STAT4: variants seen among roughly 807,000 people sequenced by gnomAD.
The protein encoded by STAT4 is signal transducer and activator of transcription 4.
STAT4 carries 42 observed loss-of-function variants against 110.5 expected under a neutral mutation model. The observed-to-expected ratio is 0.38, with a 90% confidence interval of 0.30 to 0.49. The LOEUF is 0.49. Among genes scored for constraint, STAT4 ranks in the 20% least tolerant of loss-of-function variants. The probability of loss-of-function intolerance (pLI) is 0.95; values close to 1 mark genes in which losing one functional copy is unlikely to be tolerated. For synonymous variants in STAT4, 284 were observed against 302.2 expected (o/e 0.94, Z 0.63); for missense variants, 632 against 887.9 (o/e 0.71, Z 3.66).
rs371229965 is a variant in STAT4 at position 191,061,702 on chromosome 2, G to C, written c.1034+27C>G. On this transcript the variant is annotated intron_variant, in intron 10 of 23. Transcript: ENST00000392320. This position sits in a 1 kb window ranked among gnomAD's most constrained non-coding sequence, Gnocchi z 6.2. ...AGAGACTATAGCTCCACAAACACAC[G>C]AAATAGTAGAAAATGTTTTTGCCTA... 7.5e-6 allele frequency: 12 copies of C among 1,598,498 alleles called. No homozygotes were observed. The East Asian group carries it at 2.7e-4, about 36-fold the overall frequency.
In STAT4 at chr2:191,132,586, A is replaced by G. The variant is rs376624042; in HGVS notation, c.273+14027T>C. 4.0e-5 allele frequency among the ~76,000 whole-genome samples: 6 copies of G among 151,692 alleles called. 1 individual carries two copies. The highest frequency in any genetic ancestry group is 1.5e-4 in the African/African-American group (6 of 40,984). On this transcript the variant is annotated intron_variant, in intron 3 of 23. Coordinates refer to ENST00000392320, the MANE Select transcript of STAT4 (RefSeq NM_003151.4). ...TGCCATGATACAACAAGGATAATGT[A>G]ACTAACAAAATATAAATGATGAAAA... is the stretch of plus-strand genomic sequence containing the variant.
At chr2:191,131,376 C>T (rs1290494254) in intron 3 of STAT4, 1 of 152,400 alleles carries the variant, frequency 6.6e-6, no homozygotes, top group Non-Finnish European at 1.5e-5. Flanking sequence ...GTATACTATG[C>T]AGCAATGAAA....
intron 1 of STAT4, among the ~76,000 whole-genome samples, chr2:191,149,683 C>T (rs559284463): frequency 1.3e-5 from 2 of 152,280 alleles, no homozygotes; most frequent in East Asian, 1.9e-4. Flanking sequence ...TTCCAGATAT[C>T]GGATGTATAT....
intron 4 of STAT4, 114 bp from the exon 5 acceptor site, chr2:191,073,304 A>G (rs928769980): frequency 1.5e-5 from 11 of 748,170 alleles, no homozygotes; most frequent in Middle Eastern, 2.5e-4. Flanking sequence ...TGGATACTCT[A>G]TAGTCATTAA....
intron 5 of STAT4, among the ~76,000 whole-genome samples, chr2:191,070,536 CA>C (rs1386938893): frequency 6.6e-6 from 1 of 152,136 alleles, no homozygotes; most frequent in East Asian, 1.9e-4. Flanking sequence ...CACCCTTAAC[CA>C]AAGATAGACC....
chr2:191,139,522 A>C (rs1000793472), intron 3 of STAT4, among the ~76,000 whole-genome samples: 1 of 152,200 alleles, frequency 6.6e-6, no homozygotes, highest in African/African-American at 2.4e-5. Flanking sequence ...GAAAGAAAGA[A>C]ATACTTGGGA....
intron 8 of STAT4, 86 bp downstream of exon 8, chr2:191,064,721 T>C (rs893539649): frequency 6.6e-7 from 1 of 1,512,972 alleles, no homozygotes; most frequent in Non-Finnish European, 8.9e-7. Flanking sequence ...GATGTTGCAG[T>C]CTAAACCTGC....
chr2:191,067,792 C>T (rs1697036583), intron 6 of STAT4, among the ~76,000 whole-genome samples: 1 of 152,126 alleles, frequency 6.6e-6, no homozygotes, highest in East Asian at 1.9e-4. Context: ...AGAAGATTCC[C>T]TTTTTGCTCC....
chr2:191,132,829 A>G (rs1699075525), intron 3 of STAT4, among the ~76,000 whole-genome samples: 1 of 145,756 alleles, frequency 6.9e-6, no homozygotes, highest in South Asian at 2.1e-4. Context: ...ATCTCGGCTC[A>G]CTGCAAGCTC....
At chr2:191,114,708 A>G (rs1039905523) in intron 3 of STAT4, among the ~76,000 whole-genome samples, 10 of 152,274 alleles carry the variant, frequency 6.6e-5, no homozygotes, top group African/African-American at 2.4e-4. Flanking sequence ...AAATCATTTC[A>G]CTTGCCATAG....
chr2:191,067,386 C>T (rs1697023950), intron 6 of STAT4, among the ~76,000 whole-genome samples: 1 of 151,972 alleles, frequency 6.6e-6, no homozygotes, highest in Non-Finnish European at 1.5e-5. Context: ...AACACAATTG[C>T]CTTTGATCCC....
rs1172529356 is a variant in STAT4, at chr2:191,035,726, A to G, written c.1570+438T>C. Among the ~76,000 whole-genome samples the G allele has an allele frequency of 1.3e-5, 2 of 152,192 alleles. No homozygotes were observed. Among genetic ancestry groups the G allele is most frequent in the Non-Finnish European group, 2.9e-5 (2 of 68,040 alleles). ...CCTAGACCTAGTGAAGAAATCAGTCATTTTCCAGTTGGTTAATGTCAATTG... is the reference window on the plus strand; with the variant it reads ...CCTAGACCTAGTGAAGAAATCAGTCGTTTTCCAGTTGGTTAATGTCAATTG... On this transcript the variant is annotated intron_variant, in intron 17 of 23. Transcript: ENST00000392320. This position sits in a 1 kb window ranked among gnomAD's most constrained non-coding sequence, Gnocchi z 4.7.
At chr2:191,139,465 G>A (rs893103663) in intron 3 of STAT4, among the ~76,000 whole-genome samples, 2 of 152,142 alleles carry the variant, frequency 1.3e-5, no homozygotes. Context: ...CGACCAAGCT[G>A]AGAATCAAAT....
At position 191,035,553 on chromosome 2, in the gene STAT4, A is replaced by G. The variant is rs568857690; in HGVS notation, c.1570+611T>C. Among the ~76,000 whole-genome samples the G allele has an allele frequency of 2.6e-5, 4 of 152,338 alleles. No individual in the cohort carries two copies. The East Asian group carries it at 7.7e-4, about 29-fold the overall frequency. ...TTGTCAAAATACAGATCTCTTAGAG[A>G]CTTTTTAGAAAATGTTTGGATTATA... On this transcript the variant is annotated intron_variant, in intron 17 of 23. Transcript: ENST00000392320. The surrounding 1 kb of genome is among the most constrained non-coding windows in gnomAD (Gnocchi z 4.7).
chr2:191,098,006 G>C (rs1430172074), intron 3 of STAT4, among the ~76,000 whole-genome samples: 2 of 152,004 alleles, frequency 1.3e-5, no homozygotes, highest in Non-Finnish European at 2.9e-5. Context: ...ACAGACACAT[G>C]AAAAAATGCT....
At chr2:191,067,356 G>A (rs1697022222) in intron 6 of STAT4, among the ~76,000 whole-genome samples, 1 of 152,074 alleles carries the variant, frequency 6.6e-6, no homozygotes, top group South Asian at 2.1e-4. Context: ...GATCTACCTA[G>A]AAACTGGACC....
rs569203291 is a variant in STAT4 at position 191,058,812 on chromosome 2, A to G, written c.1035-43T>C. 2 of 1,234,164 alleles carry G rather than the reference A, an allele frequency of 1.6e-6. No homozygotes were observed. The highest frequency in any genetic ancestry group is 1.5e-5 in the African/African-American group (1 of 65,362). The allele number at this position is 1,234,164 out of a possible 1,614,324, so 76.5% of individuals were successfully genotyped here. ...TAAAAAAAATCAAAGATAAAAATTA[A>G]AAGTGTTTAAAAACCCTTTTTTATA... On this transcript the variant is annotated intron_variant, in intron 10 of 23. Transcript: ENST00000392320. This position sits in a 1 kb window ranked among gnomAD's most constrained non-coding sequence, Gnocchi z 4.3.
intron 3 of STAT4, among the ~76,000 whole-genome samples, chr2:191,076,931 G>T (rs927174127): frequency 1.3e-5 from 2 of 152,120 alleles, no homozygotes; most frequent in South Asian, 4.1e-4. Context: ...TTACATAAAA[G>T]TTACTTTCCT....
chr2:191,141,103 G>A (rs571983376), intron 3 of STAT4, among the ~76,000 whole-genome samples: 2 of 151,608 alleles, frequency 1.3e-5, no homozygotes, highest in Non-Finnish European at 2.9e-5. Flanking sequence ...GGAGCGGGGG[G>A]TGAGGGATAA....
Sources: gnomAD v4.1 joint callset for allele counts (sites outside exome capture counted in the v4.1 genomes callset) on GRCh38, gnomAD v4.1.1 for gene constraint, Gnocchi (gnomAD v3.1) non-coding constraint, MANE v1.5 for transcripts, NCBI Gene and HGNC (gene_info 2026-07-23, HGNC 2026-07-21) for gene names.